The following JAZF1 variants were observed in gnomAD, a reference collection of about 807,000 sequenced individuals.
JAZF1 encodes JAZF zinc finger 1.
In JAZF1, 8 loss-of-function variants were observed where a neutral mutation model predicts 26.4. That is an observed-to-expected ratio of 0.30 (90% CI 0.18 to 0.55). JAZF1 has a LOEUF of 0.55. Ranked by LOEUF, JAZF1 falls within the 20% of genes least tolerant of loss-of-function variation. JAZF1 has a pLI of 0.94. For missense variants in JAZF1, 199 were observed against 322.0 expected (o/e 0.62, Z 2.92); for synonymous variants, 126 against 122.3 (o/e 1.03, Z -0.20).
At chr7:27,945,760 T>C (rs1176086607) in intron 2 of JAZF1, among the ~76,000 whole-genome samples, 7 of 152,226 alleles carry the variant, frequency 4.6e-5, no homozygotes, top group Non-Finnish European at 8.8e-5. Flanking sequence ...AGGTCTTTCT[T>C]GAAAGCAACT....
intron 1 of JAZF1, among the ~76,000 whole-genome samples, chr7:28,007,737 T>G (rs1043453128): frequency 2.0e-5 from 3 of 152,226 alleles, no homozygotes; most frequent in African/African-American, 7.2e-5. Context: ...GACATGCCTC[T>G]TTCCCTTTTT....
chr7:28,126,936 A>T (rs982435084), intron 1 of JAZF1, among the ~76,000 whole-genome samples: 1 of 152,210 alleles, frequency 6.6e-6, no homozygotes, highest in African/African-American at 2.4e-5. Flanking sequence ...ATGCCAGTGG[A>T]AAGTACATTC....
intron 1 of JAZF1, among the ~76,000 whole-genome samples, chr7:28,087,131 T>C (rs868194672): frequency 2.0e-5 from 3 of 152,232 alleles, no homozygotes; most frequent in Non-Finnish European, 4.4e-5. Flanking sequence ...ACAAGTTATA[T>C]GGATACTCTA....
intron 1 of JAZF1, among the ~76,000 whole-genome samples, chr7:28,080,861 A>T (rs1784124551): frequency 6.6e-6 from 1 of 152,150 alleles, no homozygotes; most frequent in Non-Finnish European, 1.5e-5. Context: ...TGCAAGAATT[A>T]CCAAAATGTG....
At chr7:27,978,777 G>A (rs1785520378) in intron 2 of JAZF1, among the ~76,000 whole-genome samples, 2 of 152,202 alleles carry the variant, frequency 1.3e-5, no homozygotes, top group African/African-American at 4.8e-5. Context: ...AAATCTTATG[G>A]TAAAGAAAAC....
intron 2 of JAZF1, among the ~76,000 whole-genome samples, chr7:27,913,866 T>G (rs1784402137): frequency 6.6e-6 from 1 of 152,208 alleles, no homozygotes; most frequent in African/African-American, 2.4e-5. Context: ...GTATCCAGCT[T>G]TACCACGTGC....
intron 1 of JAZF1, among the ~76,000 whole-genome samples, chr7:28,015,473 A>G (rs1221280716): frequency 6.6e-6 from 1 of 152,028 alleles, no homozygotes; most frequent in Admixed American, 6.5e-5. Context: ...GAACTGTACT[A>G]TCTTTGTGAT....
intron 1 of JAZF1, among the ~76,000 whole-genome samples, chr7:28,098,823 C>G (rs1784424745): frequency 1.3e-5 from 2 of 152,228 alleles, no homozygotes; most frequent in South Asian, 4.1e-4. Context: ...ATCTGACCAT[C>G]AGGAAAACAC....
In JAZF1 at chr7:28,180,579, G is replaced by A; in HGVS notation, c.-2C>T. 6.2e-7 allele frequency: 1 copy of A among 1,604,454 alleles called. No individual in the cohort carries two copies. The highest frequency in any genetic ancestry group is 8.5e-7 in the Non-Finnish European group (1 of 1,175,264). On this transcript the variant is annotated 5_prime_UTR_variant, in exon 1 of 5. Transcript: ENST00000283928. ...GGAGGCGGCGGCGATGCCTGTCATG[G>A]TGCTACATCGAGAGCCCCCCTGGTG...
chr7:28,169,811 GC>G (rs1783424626), intron 1 of JAZF1, among the ~76,000 whole-genome samples: 1 of 152,164 alleles, frequency 6.6e-6, no homozygotes, highest in Non-Finnish European at 1.5e-5. Context: ...CCCTGCTTTT[GC>G]CATTACTTTC....
intron 1 of JAZF1, among the ~76,000 whole-genome samples, chr7:28,108,880 G>T (rs536753347): frequency 6.6e-6 from 1 of 152,280 alleles, no homozygotes; most frequent in Non-Finnish European, 1.5e-5. Context: ...CATAAAAAAA[G>T]GAAACTGCCA....
intron 2 of JAZF1, among the ~76,000 whole-genome samples, chr7:27,940,953 C>T (rs190659011): frequency 6.6e-6 from 1 of 152,182 alleles, no homozygotes; most frequent in East Asian, 1.9e-4. Flanking sequence ...CTTCCTTTTT[C>T]CTTTAAAGAT....
In JAZF1 at chr7:28,157,225, C is replaced by T. The variant is rs566425537; in HGVS notation, c.115+23238G>A. Among the ~76,000 whole-genome samples the T allele has an allele frequency of 2.6e-5, 4 of 152,340 alleles. No individual in the cohort carries two copies. In the South Asian group the frequency reaches 8.3e-4, roughly 32 times the overall value. ...AGGTGTGCCCACTAAGTCCCTCTTCCCACAGGCTGATAAGCAGACAAAGTG... is the reference window on the plus strand; with the variant it reads ...AGGTGTGCCCACTAAGTCCCTCTTCTCACAGGCTGATAAGCAGACAAAGTG... On this transcript the variant is annotated intron_variant, in intron 1 of 4. Coordinates refer to ENST00000283928, the MANE Select transcript of JAZF1 (RefSeq NM_175061.4).
At chr7:28,118,788 ACAC>A (rs1168774191) in intron 1 of JAZF1, among the ~76,000 whole-genome samples, 9 of 147,126 alleles carry the variant, frequency 6.1e-5, no homozygotes, top group African/African-American at 1.7e-4. Context: ...ACACACACAC[ACAC>A]AACACACACA....
intron 3 of JAZF1, among the ~76,000 whole-genome samples, chr7:27,877,916 C>A (rs1350202026): frequency 7.2e-5 from 11 of 152,122 alleles, no homozygotes; most frequent in Admixed American, 5.9e-4. Context: ...TGCTTCACAC[C>A]TAAGATGGAA....
At chr7:28,142,553 C>T (rs1335420939) in intron 1 of JAZF1, among the ~76,000 whole-genome samples, 2 of 152,304 alleles carry the variant, frequency 1.3e-5, no homozygotes, top group East Asian at 3.9e-4. Flanking sequence ...CAAGGCCCTT[C>T]TACCGTGCGC....
At chr7:27,904,900 G>A (rs1784224723) in intron 2 of JAZF1, among the ~76,000 whole-genome samples, 1 of 147,552 alleles carries the variant, frequency 6.8e-6, no homozygotes, top group Non-Finnish European at 1.5e-5. Flanking sequence ...AACTAAAACT[G>A]ACAGACTTAC....
At chr7:27,958,814 A>G (rs1036141129) in intron 2 of JAZF1, among the ~76,000 whole-genome samples, 3 of 152,196 alleles carry the variant, frequency 2.0e-5, no homozygotes, top group Non-Finnish European at 4.4e-5. Flanking sequence ...GCTCCTTACA[A>G]AGAATTTTTG....
intron 1 of JAZF1, among the ~76,000 whole-genome samples, chr7:28,075,276 T>G (rs1784033192): frequency 6.6e-6 from 1 of 152,152 alleles, no homozygotes; most frequent in African/African-American, 2.4e-5. Flanking sequence ...CTCTCATCAT[T>G]ACTATGCCCC....
Sources: gnomAD v4.1 joint callset for allele counts (sites outside exome capture counted in the v4.1 genomes callset) on GRCh38, gnomAD v4.1.1 for gene constraint, MANE v1.5 for transcripts, NCBI Gene and HGNC (gene_info 2026-07-23, HGNC 2026-07-21) for gene names.